The following FHIT variants were observed in gnomAD, a reference collection of about 807,000 sequenced individuals.
FHIT encodes bis(5'-adenosyl)-triphosphatase.
In FHIT, 19 loss-of-function variants were observed where a neutral mutation model predicts 17.9. That is an observed-to-expected ratio of 1.06 (90% CI 0.74 to 1.56). The LOEUF is 1.56. Ranked by LOEUF, FHIT falls within the 40% of genes most tolerant of loss-of-function variation. The pLI, the probability that FHIT is intolerant of heterozygous loss-of-function variation, is 0.00. For synonymous variants in FHIT, 81 were observed against 69.7 expected, an observed-to-expected ratio of 1.16 and a Z score of -0.81; for missense variants, 248 against 189.2, an observed-to-expected ratio of 1.31 and a Z score of -1.82.
intron 4 of FHIT, among the ~76,000 whole-genome samples, chr3:60,607,756 C>T (rs782390286): frequency 7.2e-5 from 11 of 152,000 alleles, no homozygotes; most frequent in Non-Finnish European, 1.3e-4. Flanking sequence ...CTTTTGTCTG[C>T]AATACATACA....
At chr3:60,185,354 G>T (rs931212638) in intron 5 of FHIT, among the ~76,000 whole-genome samples, 1 of 152,130 alleles carries the variant, frequency 6.6e-6, no homozygotes. Context: ...TTACCAGAAA[G>T]TTAATAAAGT....
chr3:61,154,280 A>G (rs1250287878), intron 2 of FHIT, among the ~76,000 whole-genome samples: 1 of 152,210 alleles, frequency 6.6e-6, no homozygotes, highest in Admixed American at 6.5e-5. Context: ...CGAACATATT[A>G]CTGGAGTAAC....
chr3:60,560,194 T>C (rs950712390), intron 4 of FHIT, among the ~76,000 whole-genome samples: 1 of 152,154 alleles, frequency 6.6e-6, no homozygotes, highest in African/African-American at 2.4e-5. Flanking sequence ...TACAATCTGC[T>C]GCAGAAGAAT....
At chr3:60,135,541 A>G (rs1699781833) in intron 5 of FHIT, among the ~76,000 whole-genome samples, 1 of 152,070 alleles carries the variant, frequency 6.6e-6, no homozygotes, top group African/African-American at 2.4e-5. Context: ...TCATGGGGAG[A>G]AAAACACAAA....
intron 5 of FHIT, among the ~76,000 whole-genome samples, chr3:60,441,783 A>AATATATATATATATATAT (rs71092605): frequency 4.2e-5 from 1 of 23,946 alleles, no homozygotes; most frequent in African/African-American, 7.4e-5. Context: ...TATGTATAAA[A>AATATATATATATATATAT]ATATATATAT....
intron 5 of FHIT, among the ~76,000 whole-genome samples, chr3:60,430,740 T>C (rs1702856993): frequency 6.6e-6 from 1 of 152,144 alleles, no homozygotes; most frequent in Admixed American, 6.5e-5. Flanking sequence ...AAGCTTTTAC[T>C]GAACTTTGGG....
At chr3:60,226,472 C>CAAAAAAAAAAAAAAAAAAAAA (rs1189100387) in intron 5 of FHIT, among the ~76,000 whole-genome samples, 1 of 70,148 alleles carries the variant, frequency 1.4e-5, no homozygotes, top group African/African-American at 5.8e-5. Flanking sequence ...AACTCCGTCT[C>CAAAAAAAAAAAAAAAAAAAAA]AAAAAAAAAA....
intron 5 of FHIT, among the ~76,000 whole-genome samples, chr3:60,523,877 T>C (rs17063438): frequency 0.025 from 3,782 of 152,298 alleles, 164 homozygotes; most frequent in African/African-American, 0.087. Context: ...ATATTAGTTA[T>C]GTCTCCAAGC....
chr3:60,364,760 A>G (rs1241714969), intron 5 of FHIT, among the ~76,000 whole-genome samples: 1 of 152,210 alleles, frequency 6.6e-6, no homozygotes, highest in Non-Finnish European at 1.5e-5. Flanking sequence ...TACAACAGAT[A>G]TCCTTTCCTA....
intron 5 of FHIT, among the ~76,000 whole-genome samples, chr3:60,485,587 G>C (rs919481713): frequency 6.6e-6 from 1 of 151,968 alleles, no homozygotes; most frequent in Non-Finnish European, 1.5e-5. Context: ...TCACTCATAA[G>C]TGGGAGCTGA....
At chr3:61,190,758 A>G (rs2038688443) in intron 2 of FHIT, among the ~76,000 whole-genome samples, 1 of 152,200 alleles carries the variant, frequency 6.6e-6, no homozygotes, top group Admixed American at 6.5e-5. Flanking sequence ...GCCATAAAAA[A>G]TGATGAGTTC....
chr3:60,227,827 T>C (rs1389817198), intron 5 of FHIT, among the ~76,000 whole-genome samples: 2 of 152,208 alleles, frequency 1.3e-5, no homozygotes, highest in South Asian at 4.1e-4. Context: ...TCTGGAATGC[T>C]GTACTGACAC....
chr3:59,876,759 T>C (rs1292199265), intron 8 of FHIT, among the ~76,000 whole-genome samples: 1 of 152,222 alleles, frequency 6.6e-6, no homozygotes, highest in African/African-American at 2.4e-5. Context: ...TCTACCTACT[T>C]TCTGTTCCCC....
At chr3:60,011,595 A>T (rs1700143113) in intron 6 of FHIT, among the ~76,000 whole-genome samples, 195 bp from the exon 7 acceptor site, 1 of 152,196 alleles carries the variant, frequency 6.6e-6, no homozygotes, top group Admixed American at 6.5e-5. Context: ...GTGCGAAGTT[A>T]TGTATAAAAA....
rs869106124 is a variant in FHIT, at chr3:59,749,516, G to GA, written c.*68_*69insT. ...GATTCAGTTCCTCTTGGGGAGAGGC[G>GA]GGGGGCGGTCTTCAAACTGGTTGGC... is the stretch of plus-strand genomic sequence containing the variant. On this transcript the variant is annotated 3_prime_UTR_variant, in exon 10 of 10. Transcript: ENST00000492590. 8.2e-5 allele frequency: 7 copies of GA among 84,914 alleles called. No homozygotes were observed. Among genetic ancestry groups the GA allele is most frequent in the Admixed American group, 3.4e-4 (1 of 2,910 alleles). The allele number at this position is 84,914 out of a possible 1,614,324, so 5.3% of individuals were successfully genotyped here.
intron 3 of FHIT, among the ~76,000 whole-genome samples, chr3:60,897,984 T>C (rs1705917689): frequency 6.6e-6 from 1 of 152,234 alleles, no homozygotes; most frequent in Non-Finnish European, 1.5e-5. Context: ...AATCCATGTT[T>C]ATTTTAGGAT....
chr3:60,547,921 C>A (rs2036421763), intron 4 of FHIT, among the ~76,000 whole-genome samples: 1 of 152,142 alleles, frequency 6.6e-6, no homozygotes, highest in South Asian at 2.1e-4. Flanking sequence ...CTGACAATAG[C>A]TCACTTCAGG....
chr3:60,415,416 G>A (rs1298702565), intron 5 of FHIT, among the ~76,000 whole-genome samples: 1 of 152,148 alleles, frequency 6.6e-6, no homozygotes, highest in Non-Finnish European at 1.5e-5. Context: ...CTGAGCTCAT[G>A]ATTGCTAACC....
chr3:60,382,177 T>C (rs1385685864), intron 5 of FHIT, among the ~76,000 whole-genome samples: 12 of 152,176 alleles, frequency 7.9e-5, no homozygotes, highest in Non-Finnish European at 1.5e-4. Context: ...TTAATTTTAA[T>C]TGGCATCCTG....
Sources: gnomAD v4.1 joint callset for allele counts (sites outside exome capture counted in the v4.1 genomes callset) on GRCh38, gnomAD v4.1.1 for gene constraint, MANE v1.5 for transcripts, NCBI Gene and HGNC (gene_info 2026-07-23, HGNC 2026-07-21) for gene names.